The following SUPT5H variants were observed in gnomAD, a reference collection of about 807,000 sequenced individuals.
SUPT5H encodes SPT5 homolog, DSIF elongation factor subunit, also known as transcription elongation factor SPT5.
In SUPT5H, 24 loss-of-function variants were observed where a neutral mutation model predicts 142.5. The observed-to-expected ratio is 0.17, with a 90% confidence interval of 0.12 to 0.24. The LOEUF (loss-of-function observed/expected upper bound fraction) is 0.24, where lower values mean the gene tolerates loss of function less well. Among genes scored for constraint, SUPT5H ranks in the 10% least tolerant of loss-of-function variants. The pLI is 1.00. For missense variants in SUPT5H, 893 were observed against 1,471.8 expected (o/e 0.61, Z 6.43); for synonymous variants, 546 against 553.0 (o/e 0.99, Z 0.18).
chr19:39,450,624 G>T (rs564802451), intron 2 of SUPT5H, among the ~76,000 whole-genome samples: 6 of 152,180 alleles, frequency 3.9e-5, no homozygotes, highest in African/African-American at 1.4e-4. Flanking sequence ...GCTGAGCAGG[G>T]GAACAAATGG....
In SUPT5H at chr19:39,470,666, G is replaced by A. The variant is rs979543358; in HGVS notation, c.1677+143G>A. ...GTCACTTACATCTGAATGGCTGATA[G>A]TGGGCACATGGCAAGTCATTGATCC... On this transcript the variant is annotated intron_variant, in intron 18 of 29. Transcript: ENST00000432763. This position sits in a 1 kb window ranked among gnomAD's most constrained non-coding sequence, Gnocchi z 5.8. 5.1e-5 allele frequency: 48 copies of A among 950,340 alleles called. No individual in the cohort carries two copies. The African/African-American group carries it at 7.3e-4, about 14-fold the overall frequency. 58.9% of individuals were successfully genotyped at this position (950,340 alleles called of 1,614,324 possible).
At chr19:39,455,838 G>A (rs529213754) in intron 3 of SUPT5H, among the ~76,000 whole-genome samples, 18 of 150,918 alleles carry the variant, frequency 1.2e-4, no homozygotes, top group African/African-American at 4.1e-4. Flanking sequence ...GGCCAGGCTG[G>A]TCTCGAACTC....
At position 39,463,299 on chromosome 19, in the gene SUPT5H, G is replaced by GC. The variant is rs750172537; in HGVS notation, c.625-1497dup. On this transcript the variant is annotated intron_variant, in intron 10 of 29. Transcript: ENST00000432763. ...TTACAGGCATGAGCCACCGCTCCTG[G>GC]CCTTTTTTTTCTTTTAGTTGGTATT... Among the ~76,000 whole-genome samples the GC allele has an allele frequency of 7.2e-5, 11 of 152,130 alleles. 1 individual carries two copies. Among genetic ancestry groups the GC allele is most frequent in the Non-Finnish European group, 1.6e-4 (11 of 68,030 alleles).
chr19:39,464,671 A>C, intron 10 of SUPT5H, 127 bp from the exon 11 acceptor site: 1 of 1,374,834 alleles, frequency 7.3e-7, no homozygotes, highest in East Asian at 2.4e-5. Flanking sequence ...CTTTGTGTCC[A>C]TGTCATTGTG....
chr19:39,476,418 A>G lies in SUPT5H; in HGVS notation c.*19A>G. 1 of 1,613,508 alleles carries G rather than the reference A, an allele frequency of 6.2e-7. No individual in the cohort carries two copies. Among genetic ancestry groups the G allele is most frequent in the Non-Finnish European group, 8.5e-7 (1 of 1,179,964 alleles). Reference sequence around the variant, plus strand: ...AGCCTGAAGCAGGCAGGGCCGGTGGACTTCGTCGGATGAAGAGTGATCCTC... The same window carrying G: ...AGCCTGAAGCAGGCAGGGCCGGTGGGCTTCGTCGGATGAAGAGTGATCCTC... On this transcript the variant is annotated 3_prime_UTR_variant, in exon 30 of 30. Coordinates refer to ENST00000432763, the MANE Select transcript of SUPT5H (RefSeq NM_001111020.3).
At position 39,464,843 on chromosome 19, in the gene SUPT5H, T is replaced by A. The variant is rs1466216458; in HGVS notation, c.670T>A (p.Tyr224Asn). The A allele has an allele frequency of 1.9e-6, 3 of 1,614,068 alleles. No homozygotes were observed. Among genetic ancestry groups the A allele is most frequent in the Non-Finnish European group, 1.7e-6 (2 of 1,179,932 alleles). ...AGTGGCACCAGAGCATGTGAAGGGC[T>A]ACATCTACGTGGAGGCCTACAAGCA... ...SVVAPEHVKG[Y>N]IYVEAYKQTH... The change falls in exon 11 of 30, where the codon TAC becomes AAC. Residue 224 changes from tyrosine (Y) to asparagine (N), a missense_variant. Physicochemically the swap from Tyr to Asn is moderately radical, Grantham distance 143. Around this residue, in one of 6 missense-constraint regions of SUPT5H, gnomAD observed 428 missense variants for 763.5 expected, o/e 0.56. Transcript: ENST00000432763.
intron 10 of SUPT5H, among the ~76,000 whole-genome samples, chr19:39,463,193 G>A (rs150847327): frequency 0.16 from 23,885 of 150,866 alleles, 2,035 homozygotes; most frequent in Middle Eastern, 0.28. Flanking sequence ...GTAGAGGCAA[G>A]GTTTCACCAT....
rs144952178 is a variant in SUPT5H, at chr19:39,459,951, C to T, written c.615C>T (p.Phe205=). ...TGCGCAAGTTCATTGCCTACCAGTT[C>T]ACAGACACGGTAAGTCGGGTAGACA... The part of the protein sequence containing the change: ...SLMRKFIAYQ[F]TDTPLQIKSV... Residue 205 remains phenylalanine (F), a synonymous_variant, in exon 10 of 30, where the codon TTC becomes TTT. Transcript: ENST00000432763. 8 of 1,613,962 alleles carry T rather than the reference C, an allele frequency of 5.0e-6. No individual in the cohort carries two copies. Among genetic ancestry groups the T allele is most frequent in the Non-Finnish European group, 5.1e-6 (6 of 1,180,036 alleles).
intron 3 of SUPT5H, among the ~76,000 whole-genome samples, chr19:39,454,432 C>T (rs1298319171): frequency 2.6e-5 from 4 of 151,504 alleles, no homozygotes; most frequent in Non-Finnish European, 2.9e-5. Flanking sequence ...GCAACCTCTC[C>T]CTCCTGGGTT....
intron 10 of SUPT5H, among the ~76,000 whole-genome samples, chr19:39,462,839 C>CTTTTTTTTTTTTTT (rs71169597): frequency 9.1e-6 from 1 of 110,354 alleles, no homozygotes. Context: ...CCTTAATTTT[C>CTTTTTTTTTTTTTT]TTTTTTTTTT....
At chr19:39,465,122 C>T (rs960157118) in intron 11 of SUPT5H, 73 bp downstream of exon 11, 1 of 1,542,970 alleles carries the variant, frequency 6.5e-7, no homozygotes, top group South Asian at 1.2e-5. Context: ...TTTGTCCTTC[C>T]CACCCTCTTT....
chr19:39,475,929 C>T (rs2079398704), intron 28 of SUPT5H, 152 bp from the exon 29 acceptor site: 1 of 673,424 alleles, frequency 1.5e-6, no homozygotes, highest in African/African-American at 1.8e-5. Flanking sequence ...CCACAGGCCC[C>T]AGGCCTTGGA....
intron 19 of SUPT5H, 38 bp downstream of exon 19, chr19:39,471,541 G>T (rs929423259): frequency 2.5e-6 from 4 of 1,613,798 alleles, no homozygotes; most frequent in Non-Finnish European, 3.4e-6. Flanking sequence ...GCATCTGAAA[G>T]AATTTGGTTG....
At chr19:39,452,433 A>G (rs1438560516) in intron 2 of SUPT5H, among the ~76,000 whole-genome samples, 1 of 152,184 alleles carries the variant, frequency 6.6e-6, no homozygotes, top group Non-Finnish European at 1.5e-5. Flanking sequence ...GAAGGGGTTA[A>G]CAGTAAGAGG....
At position 39,453,535 on chromosome 19, in the gene SUPT5H, C is replaced by A; in HGVS notation, c.241+14C>A. ...TGGACGAGGCTGGTATGTCATAGTGCTTGGCCAGTGCCGAGCAGAGGCTGA... is the reference window on the plus strand; with the variant it reads ...TGGACGAGGCTGGTATGTCATAGTGATTGGCCAGTGCCGAGCAGAGGCTGA... On this transcript the variant is annotated intron_variant, in intron 3 of 29. Transcript: ENST00000432763. 2 of 1,517,700 alleles carry A rather than the reference C, an allele frequency of 1.3e-6. No homozygotes were observed. The highest frequency in any genetic ancestry group is 1.8e-6 in the Non-Finnish European group (2 of 1,129,112). 94.0% of individuals were successfully genotyped at this position (1,517,700 alleles called of 1,614,324 possible).
Position 39,458,854 on chromosome 19 carries a change from G to A in SUPT5H, c.356G>A (p.Arg119His). 1 of 1,613,640 alleles carries A rather than the reference G, an allele frequency of 6.2e-7. No individual in the cohort carries two copies. Residue 119 changes from arginine to histidine, a missense_variant, in exon 6 of 30, where the codon CGT (arginine) becomes CAT (histidine). Around this residue, in one of 6 missense-constraint regions of SUPT5H, gnomAD observed 428 missense variants for 763.5 expected, o/e 0.56. Coordinates refer to ENST00000432763, the MANE Select transcript of SUPT5H (RefSeq NM_001111020.3). The surrounding 1 kb of genome is among the most constrained non-coding windows in gnomAD (Gnocchi z 4.2). ...GATAATGTTGTCCTGGATGAAGATC[G>A]TTCTGGGGCTCGCCGCCTGCAAAAC... ...NIDNVVLDED[R>H]SGARRLQNLW...
intron 4 of SUPT5H, 95 bp downstream of exon 4, chr19:39,457,835 A>C (rs749800170): frequency 6.5e-7 from 1 of 1,549,956 alleles, no homozygotes; most frequent in Non-Finnish European, 8.7e-7. Flanking sequence ...TCCCCTGTAC[A>C]CCCCAACTCC....
In SUPT5H at chr19:39,469,475, T is replaced by C. The variant is rs1472609108; in HGVS notation, c.1374+77T>C. 5 of 1,594,850 alleles carry C rather than the reference T, an allele frequency of 3.1e-6. No homozygotes were observed. Among genetic ancestry groups the C allele is most frequent in the East Asian group, 2.3e-5 (1 of 44,420 alleles). On this transcript the variant is annotated intron_variant, in intron 16 of 29. Coordinates refer to ENST00000432763, the MANE Select transcript of SUPT5H (RefSeq NM_001111020.3). This position sits in a 1 kb window ranked among gnomAD's most constrained non-coding sequence, Gnocchi z 5.1. ...CTGTATGTGGCTGTCGAGGCGGTGG[T>C]GTGCCTGGTGACACCTGGTTTCCAG...
In SUPT5H at chr19:39,469,676, G is replaced by T; in HGVS notation, c.1374+278G>T. 1.8e-6 allele frequency: 1 copy of T among 554,014 alleles called. No homozygotes were observed. The highest frequency in any genetic ancestry group is 3.2e-6 in the Non-Finnish European group (1 of 307,692). 34.3% of individuals were successfully genotyped at this position (554,014 alleles called of 1,614,324 possible). A position where few individuals can be genotyped will look rare whatever the true frequency, so the allele number is the denominator to read the frequency against. ...CTGGGTAGTACTGGGTTGAGAGTGTGATTAACCAAGGAGTAATCTGAGGCT... is the reference window on the plus strand; with the variant it reads ...CTGGGTAGTACTGGGTTGAGAGTGTTATTAACCAAGGAGTAATCTGAGGCT... On this transcript the variant is annotated intron_variant, in intron 16 of 29. Coordinates refer to ENST00000432763, the MANE Select transcript of SUPT5H (RefSeq NM_001111020.3). The surrounding 1 kb of genome is among the most constrained non-coding windows in gnomAD (Gnocchi z 5.1).
Sources: allele counts gnomAD v4.1 joint callset (sites outside exome capture counted in the v4.1 genomes callset), GRCh38; gene constraint gnomAD v4.1.1; regional missense constraint gnomAD v4.1.1; non-coding constraint Gnocchi (gnomAD v3.1); transcripts MANE v1.5; gene names NCBI Gene and HGNC (gene_info 2026-07-23, HGNC 2026-07-21).